The following ABLIM1 variants were observed in gnomAD, a reference collection of about 807,000 sequenced individuals.
ABLIM1 encodes actin-binding LIM protein 1.
A neutral mutation model predicts 107.0 loss-of-function variants in ABLIM1; 40 were observed. That is an observed-to-expected ratio of 0.37 (90% CI 0.29 to 0.49). ABLIM1 has a LOEUF of 0.49. Ranked by LOEUF, ABLIM1 falls within the 20% of genes least tolerant of loss-of-function variation. The pLI, the probability that ABLIM1 is intolerant of heterozygous loss-of-function variation, is 0.97. For synonymous variants in ABLIM1, 357 were observed against 357.3 expected, an observed-to-expected ratio of 1.00 and a Z score of 0.01; for missense variants, 857 against 1,008.5, an observed-to-expected ratio of 0.85 and a Z score of 2.04.
rs368224792 is a variant in ABLIM1, at chr10:114,451,604, C to A, written c.1594+20G>T. The A allele has an allele frequency of 6.2e-7, 1 of 1,606,070 alleles. No individual in the cohort carries two copies. The highest frequency in any genetic ancestry group is 1.7e-5 in the Admixed American group (1 of 59,982). On this transcript the variant is annotated intron_variant, in intron 14 of 22. Transcript: ENST00000533213. ...CTGACTTTGCTATTTAAAAGCTACG[C>A]GGAGGAAAGCGGGTTTTACCATGCT...
chr10:114,545,052 C>T lies in ABLIM1; in HGVS notation c.847G>A (p.Val283Met), dbSNP rs866259929. Residue 283 changes from valine (V) to methionine (M), a missense_variant, in exon 6 of 23, where the codon GTG becomes ATG. By Grantham distance (21) the Val-to-Met change is conservative. This residue lies in a region of ABLIM1 where 381 missense variants were observed against 506.9 expected (regional missense o/e 0.75). Coordinates refer to ENST00000533213, the MANE Select transcript of ABLIM1 (RefSeq NM_002313.7). ...CEKDYQGLFG[V>M]KCEACHQFIT... Reference sequence around the variant, plus strand: ...AACTGGTGACACGCCTCACATTTCACCCCAAAGAGTCCCTGGTAGTCCTTT... The same window carrying T: ...AACTGGTGACACGCCTCACATTTCATCCCAAAGAGTCCCTGGTAGTCCTTT... 2 of 1,614,032 alleles carry T rather than the reference C, an allele frequency of 1.2e-6. No individual in the cohort carries two copies. The highest frequency in any genetic ancestry group is 1.7e-6 in the Non-Finnish European group (2 of 1,180,034).
chr10:114,590,219 T>C (rs1291641600), intron 2 of ABLIM1, among the ~76,000 whole-genome samples: 2 of 152,168 alleles, frequency 1.3e-5, no homozygotes, highest in East Asian at 1.9e-4. Context: ...GTAGACTCTA[T>C]GATGTTCACA....
chr10:114,667,199 G>A (rs149213714), intron 1 of ABLIM1, among the ~76,000 whole-genome samples: 6 of 152,120 alleles, frequency 3.9e-5, no homozygotes, highest in African/African-American at 7.2e-5. Context: ...GGAAGGTAGC[G>A]GGGTGCAAGA....
intron 6 of ABLIM1, among the ~76,000 whole-genome samples, chr10:114,493,018 G>A (rs954095098): frequency 6.6e-6 from 1 of 152,186 alleles, no homozygotes; most frequent in Non-Finnish European, 1.5e-5. Context: ...GAAAATTCCA[G>A]AAGTGGTGCT....
Position 114,444,010 on chromosome 10 carries a change from T to G in ABLIM1, c.1933+19A>C, listed in dbSNP as rs1019073370. On this transcript the variant is annotated intron_variant, in intron 17 of 22. Transcript: ENST00000533213. ...TGGCTGGCTCTCGAATCAGGGAAGG[T>G]TGGGGGTTTGCTGCTTACCTGAGTT... 6.3e-7 allele frequency: 1 copy of G among 1,584,108 alleles called. No individual in the cohort carries two copies. The highest frequency in any genetic ancestry group is 8.6e-7 in the Non-Finnish European group (1 of 1,165,520).
At chr10:114,500,675 T>C (rs1366304589) in intron 6 of ABLIM1, among the ~76,000 whole-genome samples, 5 of 107,494 alleles carry the variant, frequency 4.7e-5, no homozygotes, top group Non-Finnish European at 8.7e-5. Context: ...GAAGACCTTG[T>C]GTCGAAAGAA....
chr10:114,724,952 C>T (rs2081926645), intron 1 of ABLIM1, among the ~76,000 whole-genome samples: 1 of 152,176 alleles, frequency 6.6e-6, no homozygotes, highest in Non-Finnish European at 1.5e-5. Flanking sequence ...CAGCCACGTG[C>T]AGTACATTCA....
chr10:114,472,412 G>A (rs2066764875), intron 10 of ABLIM1, among the ~76,000 whole-genome samples: 1 of 152,064 alleles, frequency 6.6e-6, no homozygotes, highest in African/African-American at 2.4e-5. Flanking sequence ...CAGCAGAATG[G>A]CTGTCACATG....
intron 1 of ABLIM1, among the ~76,000 whole-genome samples, chr10:114,613,500 C>T (rs1232157742): frequency 6.6e-6 from 1 of 152,236 alleles, no homozygotes; most frequent in Non-Finnish European, 1.5e-5. Flanking sequence ...TAAACATTTA[C>T]CGGCACACCA....
At chr10:114,768,021 G>A (rs772477907) in intron 1 of ABLIM1, 1 of 427,524 alleles carries the variant, frequency 2.3e-6, no homozygotes, top group Non-Finnish European at 4.6e-6. Context: ...TGTTCGGCCC[G>A]CCGGGGTCAG....
intron 10 of ABLIM1, among the ~76,000 whole-genome samples, chr10:114,471,246 T>G (rs1257850304): frequency 6.6e-6 from 1 of 152,132 alleles, no homozygotes; most frequent in African/African-American, 2.4e-5. Flanking sequence ...AACTCTTGAG[T>G]GCTTAATGTT....
chr10:114,439,887 C>T (rs577961829), intron 20 of ABLIM1, 195 bp downstream of exon 20: 25 of 896,968 alleles, frequency 2.8e-5, no homozygotes, highest in Middle Eastern at 2.6e-4. Flanking sequence ...ATGCAGTGTC[C>T]CCAAGGCCTG....
chr10:114,659,088 C>T (rs1159194534), upstream of ABLIM1, among the ~76,000 whole-genome samples: 2 of 152,168 alleles, frequency 1.3e-5, no homozygotes, highest in African/African-American at 4.8e-5. Flanking sequence ...ACTCACACTC[C>T]TTCTCCTGTC....
chr10:114,491,012 G>GTGTGTGTGTATGTATATATATATATA, intron 7 of ABLIM1, among the ~76,000 whole-genome samples: 1 of 92,388 alleles, frequency 1.1e-5, no homozygotes, highest in South Asian at 4.1e-4. Context: ...GTGTGTGTGT[G>GTGTGTGTGTATGTATATATATATATA]TATATATATA....
intron 12 of ABLIM1, among the ~76,000 whole-genome samples, chr10:114,455,764 A>G (rs766625559): frequency 3.2e-4 from 49 of 152,144 alleles, no homozygotes; most frequent in Non-Finnish European, 6.6e-4. Context: ...GCCAGATGCT[A>G]GTGCAATAAG....
At chr10:114,542,968 T>G (rs1011238500) in intron 6 of ABLIM1, among the ~76,000 whole-genome samples, 1 of 152,158 alleles carries the variant, frequency 6.6e-6, no homozygotes, top group African/African-American at 2.4e-5. Flanking sequence ...GGGTCAATAA[T>G]TAAAGCTTTA....
intron 15 of ABLIM1, among the ~76,000 whole-genome samples, chr10:114,446,495 G>T (rs1041610742): frequency 2.6e-5 from 4 of 152,136 alleles, no homozygotes; most frequent in African/African-American, 9.7e-5. Flanking sequence ...TTCCTAAATT[G>T]CTTGGATTAA....
intron 1 of ABLIM1, among the ~76,000 whole-genome samples, chr10:114,681,382 A>C (rs2080741868): frequency 6.6e-6 from 1 of 152,078 alleles, no homozygotes; most frequent in Admixed American, 6.6e-5. Context: ...TTTAGTAGAA[A>C]TGAGGTTTCA....
chr10:114,666,346 CAT>C lies in ABLIM1; in HGVS notation c.64+17942_64+17943del, dbSNP rs563643193. Among the ~76,000 whole-genome samples, 18 of 151,974 alleles carry C rather than the reference CAT, an allele frequency of 1.2e-4. No individual in the cohort carries two copies. In the South Asian group the frequency reaches 3.7e-3, roughly 32 times the overall value. On this transcript the variant is annotated intron_variant, in intron 1 of 23. Coordinates refer to the ABLIM1 transcript ENST00000369256. Reference sequence around the variant, plus strand: ...TTATTATTTACCAATAAATAATATACATATATATTATGCATTGTTTTTCTTTT... The same window carrying C: ...TTATTATTTACCAATAAATAATATACATATATTATGCATTGTTTTTCTTTT...
Sources: gnomAD v4.1 joint callset for allele counts (sites outside exome capture counted in the v4.1 genomes callset) on GRCh38, gnomAD v4.1.1 for gene constraint, gnomAD v4.1.1 regional missense constraint, MANE v1.5 for transcripts, NCBI Gene and HGNC (gene_info 2026-07-23, HGNC 2026-07-21) for gene names.